KCNH7: variants seen among roughly 807,000 people sequenced by gnomAD.
KCNH7 encodes potassium voltage-gated channel subfamily H member 7.
A neutral mutation model predicts 120.8 loss-of-function variants in KCNH7; 49 were observed. The ratio of observed to expected loss-of-function variants is 0.41; its 90% CI spans 0.32 to 0.51. KCNH7 has a LOEUF of 0.51. Ranked by LOEUF, KCNH7 falls within the 20% of genes least tolerant of loss-of-function variation. The probability of loss-of-function intolerance (pLI) is 0.38; values close to 1 mark genes in which losing one functional copy is unlikely to be tolerated. For missense variants in KCNH7, 1,097 were observed against 1,446.6 expected, an observed-to-expected ratio of 0.76 and a Z score of 3.92; for synonymous variants, 547 against 516.1, an observed-to-expected ratio of 1.06 and a Z score of -0.81.
In KCNH7 at chr2:162,752,993, GAAAAGAAAAGAAAAGAAAAGAAAAGAAA is replaced by G. The variant is rs1574343506; in HGVS notation, c.307+83516_307+83543del. Reference sequence around the variant, plus strand: ...GAAAAGAAAAGAAAAGAAAAGAAAAGAAAAGAAAAGAAAAGAAAAGAAAAGAAAAGAAAAGAAACCCTGACTAATAATA... The same window carrying G: ...GAAAAGAAAAGAAAAGAAAAGAAAAGAGAAAAGAAACCCTGACTAATAATA... On this transcript the variant is annotated intron_variant, in intron 2 of 15. Transcript: ENST00000332142. Among the ~76,000 whole-genome samples the G allele has an allele frequency of 5.2e-5, 7 of 133,926 alleles. No homozygotes were observed. The East Asian group carries it at 1.3e-3, about 26-fold the overall frequency. 87.9% of individuals were successfully genotyped at this position (133,926 alleles called of 152,430 possible).
At chr2:162,757,506 A>G (rs1450892160) in intron 2 of KCNH7, among the ~76,000 whole-genome samples, 3 of 152,170 alleles carry the variant, frequency 2.0e-5, no homozygotes, top group Admixed American at 6.5e-5. Flanking sequence ...AAAATCTCCC[A>G]AGAATGTTTG....
At chr2:162,489,075 T>C (rs1287201316) in intron 6 of KCNH7, among the ~76,000 whole-genome samples, 1 of 152,238 alleles carries the variant, frequency 6.6e-6, no homozygotes, top group Non-Finnish European at 1.5e-5. Flanking sequence ...TATGTCATTA[T>C]GTGATTGTAT....
intron 1 of KCNH7, among the ~76,000 whole-genome samples, 172 bp from the exon 2 acceptor site, chr2:162,836,939 A>C (rs777809143): frequency 1.3e-5 from 2 of 152,200 alleles, no homozygotes; most frequent in Admixed American, 1.3e-4. Flanking sequence ...CAAACTTTAA[A>C]TGTGAGATTA....
intron 6 of KCNH7, among the ~76,000 whole-genome samples, chr2:162,464,864 G>A (rs917442883): frequency 5.3e-5 from 8 of 151,930 alleles, no homozygotes; most frequent in African/African-American, 1.7e-4. Context: ...CTATGTTGGC[G>A]TCTAAAGTGG....
intron 6 of KCNH7, among the ~76,000 whole-genome samples, chr2:162,469,737 T>C (rs1185863081): frequency 4.8e-5 from 7 of 146,668 alleles, no homozygotes; most frequent in Admixed American, 4.1e-4. Flanking sequence ...TCTCTTTCCA[T>C]GGTCTCCCTC....
chr2:162,798,174 C>T (rs544495267), intron 2 of KCNH7, among the ~76,000 whole-genome samples: 2 of 152,170 alleles, frequency 1.3e-5, no homozygotes, highest in East Asian at 3.9e-4. Context: ...ATACCACTTT[C>T]CTGTTTTCCT....
At chr2:162,568,199 C>T (rs910169517) in intron 2 of KCNH7, among the ~76,000 whole-genome samples, 2 of 151,956 alleles carry the variant, frequency 1.3e-5, no homozygotes, top group African/African-American at 4.8e-5. Flanking sequence ...ATCACGAGAA[C>T]AACATGGGGG....
intron 6 of KCNH7, among the ~76,000 whole-genome samples, chr2:162,454,702 G>A (rs1421907558): frequency 6.6e-6 from 1 of 151,864 alleles, no homozygotes; most frequent in Non-Finnish European, 1.5e-5. Context: ...TGTAGCAATT[G>A]TGAACAGAAG....
intron 3 of KCNH7, among the ~76,000 whole-genome samples, chr2:162,531,952 C>T (rs1480530216): frequency 2.0e-5 from 3 of 151,822 alleles, no homozygotes; most frequent in African/African-American, 7.3e-5. Flanking sequence ...TGAATTTATA[C>T]ACAGTATAAC....
Position 162,385,049 on chromosome 2 carries a change from G to GA in KCNH7, c.2711-111dup, listed in dbSNP as rs1198079966. 4.6e-5 allele frequency: 36 copies of GA among 790,228 alleles called. No homozygotes were observed. The African/African-American group carries it at 5.6e-4, about 12-fold the overall frequency. The allele number at this position is 790,228 out of a possible 1,614,324, so 49.0% of individuals were successfully genotyped here. A position where few individuals can be genotyped will look rare whatever the true frequency, so the allele number is the denominator to read the frequency against. ...ATATATAAACTAGCTTTTTCCTATT[G>GA]AAAATGTAGCTACTTGGGTACTCAA... On this transcript the variant is annotated intron_variant, in intron 12 of 15. Coordinates refer to ENST00000332142, the MANE Select transcript of KCNH7 (RefSeq NM_033272.4).
intron 12 of KCNH7, among the ~76,000 whole-genome samples, chr2:162,388,950 A>C (rs1220036132): frequency 6.6e-6 from 1 of 151,978 alleles, no homozygotes. Context: ...TTATATGGCT[A>C]GGGAAATGAG....
intron 2 of KCNH7, among the ~76,000 whole-genome samples, chr2:162,744,863 G>A (rs1279117882): frequency 1.3e-5 from 2 of 152,120 alleles, no homozygotes; most frequent in Non-Finnish European, 1.5e-5. Context: ...GTGAGCCACC[G>A]CGCCCGGCCG....
chr2:162,531,261 T>G (rs1691915263), intron 3 of KCNH7, among the ~76,000 whole-genome samples: 1 of 151,968 alleles, frequency 6.6e-6, no homozygotes, highest in Non-Finnish European at 1.5e-5. Context: ...CTATCTTCCA[T>G]TTAGGAAACC....
intron 2 of KCNH7, among the ~76,000 whole-genome samples, chr2:162,601,877 T>C (rs1369293451): frequency 6.6e-6 from 1 of 152,094 alleles, no homozygotes; most frequent in African/African-American, 2.4e-5. Flanking sequence ...ACAAATGGAT[T>C]AATGTCAATT....
At chr2:162,824,527 A>G (rs943049623) in intron 2 of KCNH7, among the ~76,000 whole-genome samples, 1 of 152,140 alleles carries the variant, frequency 6.6e-6, no homozygotes, top group African/African-American at 2.4e-5. Flanking sequence ...ATTGAGTCAC[A>G]GCTAGAAAGA....
intron 6 of KCNH7, among the ~76,000 whole-genome samples, chr2:162,464,947 A>G (rs1689261124): frequency 6.6e-6 from 1 of 152,152 alleles, no homozygotes; most frequent in African/African-American, 2.4e-5. Flanking sequence ...AGGGTTGCCA[A>G]CTTTTTACTT....
intron 9 of KCNH7, among the ~76,000 whole-genome samples, chr2:162,406,505 C>T (rs1311051091): frequency 6.6e-6 from 1 of 151,900 alleles, no homozygotes. Flanking sequence ...GCTGTGATAA[C>T]TGACATTAGG....
intron 2 of KCNH7, among the ~76,000 whole-genome samples, chr2:162,688,853 C>T (rs1685996689): frequency 6.6e-6 from 1 of 151,302 alleles, no homozygotes; most frequent in South Asian, 2.1e-4. Context: ...TTATAAGCTG[C>T]TACAGTGCAA....
chr2:162,499,816 T>C (rs1043196982), intron 6 of KCNH7, among the ~76,000 whole-genome samples: 2 of 152,118 alleles, frequency 1.3e-5, no homozygotes, highest in African/African-American at 4.8e-5. Flanking sequence ...CTTTGGTACC[T>C]AGAGATTCCC....
Sources: allele counts gnomAD v4.1 joint callset (sites outside exome capture counted in the v4.1 genomes callset), GRCh38; gene constraint gnomAD v4.1.1; transcripts MANE v1.5; gene names NCBI Gene and HGNC (gene_info 2026-07-23, HGNC 2026-07-21).